Variants in VIPR2 observed in about 807,000 individuals in gnomAD.
VIPR2 encodes vasoactive intestinal peptide receptor 2.
VIPR2 carries 48 observed loss-of-function variants against 58.0 expected under a neutral mutation model. That is an observed-to-expected ratio of 0.83 (90% CI 0.66 to 1.05). The LOEUF (loss-of-function observed/expected upper bound fraction) is 1.05, where lower values mean the gene tolerates loss of function less well. Ranked by LOEUF, VIPR2 falls within the 50% of genes least tolerant of loss-of-function variation. VIPR2 has a pLI of 0.00. For synonymous variants in VIPR2, 243 were observed against 235.2 expected, an observed-to-expected ratio of 1.03 and a Z score of -0.30; for missense variants, 534 against 558.0, an observed-to-expected ratio of 0.96 and a Z score of 0.43.
At chr7:159,092,653 T>A (rs1241270451) in intron 4 of VIPR2, among the ~76,000 whole-genome samples, 2 of 59,904 alleles carry the variant, frequency 3.3e-5, no homozygotes, top group African/African-American at 2.6e-4. Flanking sequence ...TTCTTTTCTT[T>A]TTTTTTTTTT....
chr7:159,053,669 G>T (rs1855135831), intron 5 of VIPR2, among the ~76,000 whole-genome samples: 1 of 152,156 alleles, frequency 6.6e-6, no homozygotes, highest in African/African-American at 2.4e-5. Context: ...CCCTTAAGTA[G>T]CTGGAACTGC....
intron 5 of VIPR2, among the ~76,000 whole-genome samples, chr7:159,055,342 G>T (rs2730259): frequency 0.84 from 127,331 of 152,224 alleles, 54,914 homozygotes; most frequent in East Asian, 1. Flanking sequence ...AGGGTCCCTG[G>T]TGAGAGTTGT....
intron 2 of VIPR2, among the ~76,000 whole-genome samples, chr7:159,111,914 G>C (rs1040019080): frequency 3.9e-5 from 6 of 152,130 alleles, no homozygotes; most frequent in Non-Finnish European, 8.8e-5. Context: ...GGGAGGCTGA[G>C]GTGGGAGGAT....
rs1298326763 is a variant in VIPR2 at position 159,099,966 on chromosome 7, A to G, written c.357+3791T>C. On this transcript the variant is annotated intron_variant, in intron 4 of 12. Coordinates refer to ENST00000262178, the MANE Select transcript of VIPR2 (RefSeq NM_003382.5). The surrounding 1 kb of genome is among the most constrained non-coding windows in gnomAD (Gnocchi z 4.2). Reference sequence around the variant, plus strand: ...GCCATGCGCCCCAGGATCCTCCCTGAGGACCTTCCTCAAGGGCTCACAGCC... The same window carrying G: ...GCCATGCGCCCCAGGATCCTCCCTGGGGACCTTCCTCAAGGGCTCACAGCC... 6.6e-6 allele frequency among the ~76,000 whole-genome samples: 1 copy of G among 152,154 alleles called. No individual in the cohort carries two copies. The highest frequency in any genetic ancestry group is 1.5e-5 in the Non-Finnish European group (1 of 68,030).
intron 3 of VIPR2, among the ~76,000 whole-genome samples, chr7:159,109,567 G>C (rs1350230138): frequency 1.3e-5 from 2 of 152,146 alleles, no homozygotes; most frequent in East Asian, 1.9e-4. Context: ...TTCCCATTTG[G>C]CTCCTGTCTC....
chr7:159,062,145 G>A (rs1045129566), intron 4 of VIPR2, among the ~76,000 whole-genome samples: 1 of 152,198 alleles, frequency 6.6e-6, no homozygotes, highest in Non-Finnish European at 1.5e-5. Context: ...ACTTGATGGG[G>A]GGCCCGCGGG....
chr7:159,071,742 A>G (rs1856405281), intron 4 of VIPR2, among the ~76,000 whole-genome samples: 1 of 152,272 alleles, frequency 6.6e-6, no homozygotes, highest in Non-Finnish European at 1.5e-5. Flanking sequence ...GTCACACCGC[A>G]CACAGCATGG....
chr7:159,093,046 A>G lies in VIPR2; in HGVS notation c.357+10711T>C, dbSNP rs890218895. 6.6e-6 allele frequency among the ~76,000 whole-genome samples: 1 copy of G among 152,136 alleles called. No individual in the cohort carries two copies. Among genetic ancestry groups the G allele is most frequent in the African/African-American group, 2.4e-5 (1 of 41,436 alleles). Reference sequence around the variant, plus strand: ...GGAGTCAAGGCAGGTGGAACAAGCCATCCACTTCTGCACTGGTGCCGTCCA... The same window carrying G: ...GGAGTCAAGGCAGGTGGAACAAGCCGTCCACTTCTGCACTGGTGCCGTCCA... On this transcript the variant is annotated intron_variant, in intron 4 of 12. Coordinates refer to ENST00000262178, the MANE Select transcript of VIPR2 (RefSeq NM_003382.5). The surrounding 1 kb of genome is among the most constrained non-coding windows in gnomAD (Gnocchi z 6.7).
intron 2 of VIPR2, among the ~76,000 whole-genome samples, chr7:159,111,213 A>C (rs1795988262): frequency 1.3e-5 from 2 of 152,186 alleles, no homozygotes; most frequent in African/African-American, 4.8e-5. Context: ...GTTCCTAGCC[A>C]AGAGTGAACA....
In VIPR2 at chr7:159,066,905, A is replaced by AT. The variant is rs577470500; in HGVS notation, c.358-8328dup. ...GTATTAATACAGTTTTAGAAGGGGG[A>AT]TTTTTTTGCCTTGTTAAACCTCAGT... On this transcript the variant is annotated intron_variant, in intron 4 of 12. Coordinates refer to ENST00000262178, the MANE Select transcript of VIPR2 (RefSeq NM_003382.5). Among the ~76,000 whole-genome samples, 42 of 152,182 alleles carry AT rather than the reference A, an allele frequency of 2.8e-4. No individual in the cohort carries two copies. The South Asian group carries it at 4.2e-3, about 15-fold the overall frequency.
chr7:159,122,508 A>C (rs73527874), intron 2 of VIPR2, among the ~76,000 whole-genome samples: 1 of 152,142 alleles, frequency 6.6e-6, no homozygotes. Context: ...CCTGGCAACA[A>C]AGGAGAGTGA....
intron 4 of VIPR2, among the ~76,000 whole-genome samples, chr7:159,102,450 C>T (rs1463303813): frequency 2.0e-5 from 3 of 152,230 alleles, no homozygotes; most frequent in Non-Finnish European, 2.9e-5. Flanking sequence ...TCAGATACGT[C>T]TTTATCAGCA....
intron 4 of VIPR2, among the ~76,000 whole-genome samples, chr7:159,063,958 G>A (rs1477288289): frequency 6.6e-6 from 1 of 150,932 alleles, no homozygotes; most frequent in African/African-American, 2.4e-5. Flanking sequence ...GGCGGGGTCC[G>A]GGGGTCGTGG....
At chr7:159,123,031 A>C (rs1296582323) in intron 2 of VIPR2, among the ~76,000 whole-genome samples, 3 of 152,118 alleles carry the variant, frequency 2.0e-5, no homozygotes, top group African/African-American at 7.2e-5. Flanking sequence ...GCAGTAGCTC[A>C]CGCTTGCAAT....
At position 159,032,044 on chromosome 7, in the gene VIPR2, A is replaced by G; in HGVS notation, c.995T>C (p.Leu332Pro). ...QYKRLAKSTL[L>P]LIPLFGVHYM... ...GTGGACGCCGAACAGCGGGATAAGC[A>G]GGAGCGTGGACTTGGCCAGCCTCCT... is the stretch of plus-strand genomic sequence containing the variant. Residue 332 changes from leucine (L) to proline (P), a missense_variant, in exon 11 of 13, where the codon CTG becomes CCG. Transcript: ENST00000262178. 1.2e-6 allele frequency: 2 copies of G among 1,614,088 alleles called. No homozygotes were observed. Among genetic ancestry groups the G allele is most frequent in the South Asian group, 2.2e-5 (2 of 91,088 alleles).
intron 1 of VIPR2, 170 bp downstream of exon 1, chr7:159,144,551 C>T: frequency 2.0e-6 from 3 of 1,481,518 alleles, no homozygotes; most frequent in South Asian, 1.3e-5. Flanking sequence ...CAGCGCTTCA[C>T]GCTCTCCGGG....
intron 4 of VIPR2, among the ~76,000 whole-genome samples, chr7:159,060,445 A>T (rs1380303021): frequency 6.6e-6 from 1 of 151,236 alleles, no homozygotes; most frequent in East Asian, 2.0e-4. Flanking sequence ...CCTAACCACC[A>T]CTCTCAATTC....
At chr7:159,105,450 GA>G in intron 3 of VIPR2, among the ~76,000 whole-genome samples, 1 of 152,366 alleles carries the variant, frequency 6.6e-6, no homozygotes, top group African/African-American at 2.4e-5. Context: ...TACAGAAGGG[GA>G]AAACAAGGCT....
rs112043839 is a variant in VIPR2 at position 159,116,208 on chromosome 7, C to T, written c.152-6289G>A. 6.6e-3 allele frequency among the ~76,000 whole-genome samples: 1,007 copies of T among 152,306 alleles called. 3 individuals are homozygous for T. Among genetic ancestry groups the T allele is most frequent in the Non-Finnish European group, 0.011 (750 of 68,024 alleles). ...TGTAGGAAAGGAACAGCTTGGGTGA[C>T]GTGGGCAGAACCTTTTGGGCCAACC... On this transcript the variant is annotated intron_variant, in intron 2 of 12. Transcript: ENST00000262178.
Sources: allele counts gnomAD v4.1 joint callset (sites outside exome capture counted in the v4.1 genomes callset), GRCh38; gene constraint gnomAD v4.1.1; non-coding constraint Gnocchi (gnomAD v3.1); transcripts MANE v1.5; gene names NCBI Gene and HGNC (gene_info 2026-07-23, HGNC 2026-07-21).